Variants in TMEM132D observed in about 807,000 individuals in gnomAD.
TMEM132D encodes the protein transmembrane protein 132D, also known as mature OL transmembrane protein.
In TMEM132D, 21 loss-of-function variants were observed where a neutral mutation model predicts 62.3. That is an observed-to-expected ratio of 0.34 (90% CI 0.24 to 0.49). TMEM132D has a LOEUF of 0.49. Ranked by LOEUF, TMEM132D falls within the 20% of genes least tolerant of loss-of-function variation. TMEM132D has a pLI of 0.99. For synonymous variants in TMEM132D, 621 were observed against 575.6 expected (o/e 1.08, Z -1.13); for missense variants, 1,346 against 1,402.8 (o/e 0.96, Z 0.65).
intron 4 of TMEM132D, among the ~76,000 whole-genome samples, chr12:129,313,445 A>G (rs1882029681): frequency 6.6e-6 from 1 of 152,084 alleles, no homozygotes; most frequent in Non-Finnish European, 1.5e-5. Context: ...GAGTTACTTC[A>G]CTTAGAATAA....
chr12:129,470,532 T>C (rs1247635379), intron 3 of TMEM132D, among the ~76,000 whole-genome samples: 1 of 152,200 alleles, frequency 6.6e-6, no homozygotes, highest in Non-Finnish European at 1.5e-5. Context: ...ATGGGTACTT[T>C]TTCTTGTCCT....
chr12:129,757,563 C>T (rs987052915), intron 1 of TMEM132D, among the ~76,000 whole-genome samples: 4 of 152,128 alleles, frequency 2.6e-5, no homozygotes, highest in African/African-American at 9.7e-5. Context: ...CCAAAGCCAG[C>T]CCCATGATCT....
rs1470863869 is a variant in TMEM132D, at chr12:129,356,413, T to A, written c.1116-18596A>T. On this transcript the variant is annotated intron_variant, in intron 3 of 8. Transcript: ENST00000422113. ...ACCTCGTGATCCGCCCGCCTCGGCCTCCCAAAGTGCTGGGATTACAGGCGT... is the reference window on the plus strand; with the variant it reads ...ACCTCGTGATCCGCCCGCCTCGGCCACCCAAAGTGCTGGGATTACAGGCGT... Among the ~76,000 whole-genome samples the A allele has an allele frequency of 7.7e-5, 2 of 26,014 alleles. 1 individual carries two copies. The highest frequency in any genetic ancestry group is 1.7e-4 in the Non-Finnish European group (2 of 11,554). The allele number at this position is 26,014 out of a possible 152,430, so 17.1% of individuals were successfully genotyped here.
chr12:129,481,480 C>A lies in TMEM132D; in HGVS notation c.1115+49579G>T, dbSNP rs73151098. On this transcript the variant is annotated intron_variant, in intron 3 of 8. Coordinates refer to ENST00000422113, the MANE Select transcript of TMEM132D (RefSeq NM_133448.3). ...CCTGTCTCCAAAAAAAAAAAAAAAA[C>A]CCACAAAACTGTAAGACAAACTAAC... Among the ~76,000 whole-genome samples, 111 of 81,648 alleles carry A rather than the reference C, an allele frequency of 1.4e-3. 1 individual carries two copies. Among genetic ancestry groups the A allele is most frequent in the Non-Finnish European group, 1.3e-3 (45 of 33,502 alleles). The allele number at this position is 81,648 out of a possible 152,430, so 53.6% of individuals were successfully genotyped here.
chr12:129,649,684 A>G (rs1593104866), intron 2 of TMEM132D, among the ~76,000 whole-genome samples: 2 of 152,188 alleles, frequency 1.3e-5, no homozygotes, highest in East Asian at 3.8e-4. Flanking sequence ...ATACTGTTCT[A>G]TATAATAGAA....
At chr12:129,097,216 T>C (rs1408608943) in intron 5 of TMEM132D, among the ~76,000 whole-genome samples, 1 of 152,158 alleles carries the variant, frequency 6.6e-6, no homozygotes, top group African/African-American at 2.4e-5. Flanking sequence ...AGCATCCCTC[T>C]CTCCAGCGGT....
At chr12:129,323,760 G>A (rs7955684) in intron 4 of TMEM132D, among the ~76,000 whole-genome samples, 42,059 of 152,102 alleles carry the variant, frequency 0.28, 6,566 homozygotes, top group Non-Finnish European at 0.35. Context: ...CAGGGTCACA[G>A]TGCTAGCCAT....
intron 2 of TMEM132D, among the ~76,000 whole-genome samples, chr12:129,574,555 C>T (rs1282256166): frequency 6.6e-6 from 1 of 151,802 alleles, no homozygotes; most frequent in East Asian, 1.9e-4. Context: ...TTCACGTTTT[C>T]GTGTTTATTG....
chr12:129,646,222 C>T (rs924573162), intron 2 of TMEM132D, among the ~76,000 whole-genome samples: 9 of 152,330 alleles, frequency 5.9e-5, no homozygotes, highest in Non-Finnish European at 1.3e-4. Context: ...TTTTCTGCCC[C>T]AGAGTTCACA....
chr12:129,842,097 A>ATTTTTTT (rs746315309), intron 1 of TMEM132D, among the ~76,000 whole-genome samples: 64 of 97,380 alleles, frequency 6.6e-4, no homozygotes, highest in South Asian at 1.2e-3. Flanking sequence ...CGCCCGGCTA[A>ATTTTTTT]TTTTTTTTTT....
intron 1 of TMEM132D, among the ~76,000 whole-genome samples, chr12:129,844,907 T>C (rs1873313181): frequency 6.6e-6 from 1 of 152,156 alleles, no homozygotes; most frequent in Non-Finnish European, 1.5e-5. Context: ...CACCTATTCA[T>C]GAGACAGGAG....
intron 5 of TMEM132D, among the ~76,000 whole-genome samples, chr12:129,119,439 C>G (rs556368674): frequency 6.6e-6 from 1 of 152,184 alleles, no homozygotes; most frequent in Middle Eastern, 3.4e-3. Context: ...TACTACTCCA[C>G]CATAAAAAAG....
chr12:129,397,394 TA>T (rs1239880199), intron 3 of TMEM132D, among the ~76,000 whole-genome samples: 3 of 152,164 alleles, frequency 2.0e-5, no homozygotes, highest in Non-Finnish European at 4.4e-5. Context: ...CAAGAGTCTT[TA>T]AAACATGCCC....
intron 2 of TMEM132D, among the ~76,000 whole-genome samples, chr12:129,574,251 G>C (rs1276427842): frequency 4.0e-5 from 6 of 151,888 alleles, no homozygotes; most frequent in Admixed American, 2.6e-4. Context: ...AAGCAGACAT[G>C]GTTTAAATGT....
chr12:129,458,240 C>G (rs1367096404), intron 3 of TMEM132D, among the ~76,000 whole-genome samples: 1 of 152,156 alleles, frequency 6.6e-6, no homozygotes, highest in Admixed American at 6.5e-5. Context: ...GAGTTCTTGA[C>G]TGCAACAACA....
intron 1 of TMEM132D, among the ~76,000 whole-genome samples, chr12:129,772,679 A>T (rs910674983): frequency 1.3e-5 from 2 of 152,206 alleles, no homozygotes; most frequent in Non-Finnish European, 2.9e-5. Context: ...CAGCATCTAG[A>T]TGTTTCTAAA....
At position 129,073,960 on chromosome 12, in the gene TMEM132D, T is replaced by C. The variant is rs1874159581; in HGVS notation, c.3215A>G (p.Asp1072Gly). 1 of 1,612,224 alleles carries C rather than the reference T, an allele frequency of 6.2e-7. No homozygotes were observed. The highest frequency in any genetic ancestry group is 8.5e-7 in the Non-Finnish European group (1 of 1,178,978). ...RNSIVMSSED[D>G]IKWVCQDLDP... The stretch of plus-strand genomic sequence containing the variant: ...CAGATCCTGGCAGACCCACTTAATG[T>C]CATCCTCGCTACTCATCACGATGGA... Residue 1072 changes from aspartate (D) to glycine (G), a missense_variant, in exon 9 of 9, where the codon GAC becomes GGC. Coordinates refer to ENST00000422113, the MANE Select transcript of TMEM132D (RefSeq NM_133448.3).
At chr12:129,535,143 T>C (rs1876344137) in intron 2 of TMEM132D, among the ~76,000 whole-genome samples, 1 of 152,226 alleles carries the variant, frequency 6.6e-6, no homozygotes, top group South Asian at 2.1e-4. Context: ...CTGTTTTTAA[T>C]GTATAACTTC....
chr12:129,727,944 A>G (rs1869096110), intron 1 of TMEM132D, among the ~76,000 whole-genome samples: 1 of 152,120 alleles, frequency 6.6e-6, no homozygotes, highest in Admixed American at 6.6e-5. Flanking sequence ...CCCTCCCACT[A>G]CCATCCTTTT....
Sources: gnomAD v4.1 joint callset for allele counts (sites outside exome capture counted in the v4.1 genomes callset) on GRCh38, gnomAD v4.1.1 for gene constraint, MANE v1.5 for transcripts, NCBI Gene and HGNC (gene_info 2026-07-23, HGNC 2026-07-21) for gene names.